Variants in KLHL1 observed in about 807,000 individuals in gnomAD.
The protein encoded by KLHL1 is kelch-like protein 1.
In KLHL1, 47 loss-of-function variants were observed where a neutral mutation model predicts 77.7. The ratio of observed to expected loss-of-function variants is 0.60; its 90% CI spans 0.48 to 0.77. The LOEUF (loss-of-function observed/expected upper bound fraction) is 0.77, where lower values mean the gene tolerates loss of function less well. KLHL1 is among the 30% of genes least tolerant of loss of function. KLHL1 has a pLI of 0.00. For synonymous variants in KLHL1, 360 were observed against 325.2 expected, an observed-to-expected ratio of 1.11 and a Z score of -1.15; for missense variants, 925 against 910.8, an observed-to-expected ratio of 1.02 and a Z score of -0.20.
intron 1 of KLHL1, among the ~76,000 whole-genome samples, chr13:69,990,499 G>T (rs796370344): frequency 8.6e-5 from 13 of 151,788 alleles, no homozygotes; most frequent in Admixed American, 5.3e-4. Context: ...ATGGAAAACA[G>T]AAAAAAGCAG....
intron 5 of KLHL1, among the ~76,000 whole-genome samples, chr13:69,878,876 A>T (rs1430076818): frequency 6.6e-6 from 1 of 152,182 alleles, no homozygotes; most frequent in Non-Finnish European, 1.5e-5. Context: ...GATAGACTGG[A>T]TTAAGAAAAT....
chr13:69,917,427 T>C (rs1304494383), intron 4 of KLHL1, among the ~76,000 whole-genome samples: 1 of 152,018 alleles, frequency 6.6e-6, no homozygotes, highest in Admixed American at 6.6e-5. Flanking sequence ...AAACTGCCTA[T>C]AAAACTGACC....
At chr13:69,939,970 T>G in intron 4 of KLHL1, 70 bp downstream of exon 4, 3 of 1,231,456 alleles carry the variant, frequency 2.4e-6, no homozygotes, top group Non-Finnish European at 3.3e-6. Flanking sequence ...GCTAATGCCA[T>G]GACAGTAATT....
chr13:70,061,182 T>C (rs9572347), intron 1 of KLHL1, among the ~76,000 whole-genome samples: 50,175 of 151,972 alleles, frequency 0.33, 8,702 homozygotes, highest in East Asian at 0.68. Flanking sequence ...CTGTTAGTAA[T>C]CATCACAGTT....
intron 4 of KLHL1, among the ~76,000 whole-genome samples, chr13:69,913,724 G>A (rs1412609288): frequency 6.6e-6 from 1 of 152,172 alleles, no homozygotes; most frequent in Non-Finnish European, 1.5e-5. Context: ...CTGCAATATT[G>A]TAGTTACTAT....
intron 7 of KLHL1, among the ~76,000 whole-genome samples, chr13:69,785,929 C>T (rs1429061083): frequency 6.6e-6 from 1 of 152,152 alleles, no homozygotes; most frequent in Non-Finnish European, 1.5e-5. Flanking sequence ...AATTCCTCGA[C>T]ACATACACCC....
In KLHL1 at chr13:69,901,489, A is replaced by G. The variant is rs145565176; in HGVS notation, c.1015-18994T>C. ...AGTGTCTATGATATGCTTGGGTGAC[A>G]ATGATGACTCTGGTCAGGGATAGAC... is the stretch of plus-strand genomic sequence containing the variant. On this transcript the variant is annotated intron_variant, in intron 4 of 10. Transcript: ENST00000377844. 2.1e-3 allele frequency among the ~76,000 whole-genome samples: 315 copies of G among 152,334 alleles called. 1 individual carries two copies. The highest frequency in any genetic ancestry group is 6.8e-3 in the African/African-American group (281 of 41,576).
At chr13:69,843,820 T>A (rs1340465945) in intron 5 of KLHL1, among the ~76,000 whole-genome samples, 1 of 151,734 alleles carries the variant, frequency 6.6e-6, no homozygotes, top group Non-Finnish European at 1.5e-5. Context: ...ACTTTTTTTT[T>A]ATACTTTAAG....
intron 1 of KLHL1, among the ~76,000 whole-genome samples, chr13:70,070,842 T>C (rs1357562348): frequency 6.6e-6 from 1 of 152,068 alleles, no homozygotes; most frequent in Non-Finnish European, 1.5e-5. Flanking sequence ...TAGAGTGTTA[T>C]TGCAATGGGG....
At chr13:69,747,285 G>T (rs997805630) in intron 7 of KLHL1, among the ~76,000 whole-genome samples, 1 of 151,996 alleles carries the variant, frequency 6.6e-6, no homozygotes, top group Non-Finnish European at 1.5e-5. Flanking sequence ...GTAAACATTA[G>T]ATAATGTAAT....
At chr13:69,960,479 T>C (rs1031558600) in intron 3 of KLHL1, among the ~76,000 whole-genome samples, 1 of 152,048 alleles carries the variant, frequency 6.6e-6, no homozygotes, top group African/African-American at 2.4e-5. Context: ...CAAGATTTTA[T>C]GTCCTCCTCT....
intron 1 of KLHL1, among the ~76,000 whole-genome samples, chr13:70,062,360 CTAAGTA>C (rs1843571517): frequency 1.3e-5 from 2 of 152,076 alleles, no homozygotes; most frequent in Admixed American, 6.6e-5. Flanking sequence ...TGATGATTCT[CTAAGTA>C]TATTTGAATT....
chr13:69,929,823 C>T (rs556052353), intron 4 of KLHL1, among the ~76,000 whole-genome samples: 167 of 151,802 alleles, frequency 1.1e-3, no homozygotes, highest in Admixed American at 3.8e-3. Flanking sequence ...CATTACATTG[C>T]CTTTTCTAAA....
At chr13:70,015,286 A>T (rs1566499937) in intron 1 of KLHL1, among the ~76,000 whole-genome samples, 1 of 152,172 alleles carries the variant, frequency 6.6e-6, no homozygotes, top group East Asian at 1.9e-4. Flanking sequence ...ACAAACCTGT[A>T]CAGTATGTTA....
At chr13:69,724,676 A>G (rs1873218630) in intron 8 of KLHL1, among the ~76,000 whole-genome samples, 1 of 152,130 alleles carries the variant, frequency 6.6e-6, no homozygotes, top group Non-Finnish European at 1.5e-5. Context: ...CTAGGATGCA[A>G]GGATAGTTCA....
chr13:70,093,899 G>A (rs1489232593), intron 1 of KLHL1, among the ~76,000 whole-genome samples: 1 of 152,008 alleles, frequency 6.6e-6, no homozygotes, highest in Non-Finnish European at 1.5e-5. Flanking sequence ...TGCATATAAA[G>A]TTAATTAACT....
intron 6 of KLHL1, among the ~76,000 whole-genome samples, chr13:69,816,427 A>ATTT (rs111470171): frequency 3.4e-5 from 5 of 147,196 alleles, no homozygotes; most frequent in Admixed American, 2.0e-4. Flanking sequence ...CGCCTGGCTA[A>ATTT]TTTTTTTTTT....
intron 4 of KLHL1, 34 bp downstream of exon 4, chr13:69,940,006 G>C: frequency 2.0e-6 from 3 of 1,486,798 alleles, no homozygotes; most frequent in Non-Finnish European, 2.8e-6. Context: ...AACACAGAGT[G>C]TGTCTCCATT....
At chr13:70,020,228 T>A (rs2439664) in intron 1 of KLHL1, among the ~76,000 whole-genome samples, 112,627 of 152,056 alleles carry the variant, frequency 0.74, 41,786 homozygotes, top group East Asian at 0.85. Flanking sequence ...ACAGCATCAA[T>A]ACATAAACTG....
Sources: allele counts gnomAD v4.1 joint callset (sites outside exome capture counted in the v4.1 genomes callset), GRCh38; gene constraint gnomAD v4.1.1; transcripts MANE v1.5; gene names NCBI Gene and HGNC (gene_info 2026-07-23, HGNC 2026-07-21).